The following TRIO variants were observed in gnomAD, a reference collection of about 807,000 sequenced individuals.
TRIO encodes trio Rho guanine nucleotide exchange factor.
TRIO carries 58 observed loss-of-function variants against 351.9 expected under a neutral mutation model. That is an observed-to-expected ratio of 0.16 (90% CI 0.13 to 0.21). The LOEUF (loss-of-function observed/expected upper bound fraction) is 0.21, where lower values mean the gene tolerates loss of function less well. TRIO is among the 10% of genes least tolerant of loss of function. The probability of loss-of-function intolerance (pLI) is 1.00; values close to 1 mark genes in which losing one functional copy is unlikely to be tolerated. For synonymous variants in TRIO, 1,758 were observed against 1,595.7 expected (o/e 1.10, Z -2.42); for missense variants, 3,201 against 4,027.8 (o/e 0.79, Z 5.56).
At chr5:14,294,295 A>G (rs918326384) in intron 6 of TRIO, among the ~76,000 whole-genome samples, 7 of 152,248 alleles carry the variant, frequency 4.6e-5, no homozygotes, top group African/African-American at 1.7e-4. Context: ...CAATTTAGGT[A>G]GTTTCAAAGA....
At position 14,482,563 on chromosome 5, in the gene TRIO, C is replaced by T. The variant is rs2126611357; in HGVS notation, c.6466-19C>T. 7.0e-7 allele frequency: 1 copy of T among 1,424,992 alleles called. No individual in the cohort carries two copies. 88.3% of individuals were successfully genotyped at this position (1,424,992 alleles called of 1,614,324 possible). ...GTTTTCTTCTCCCCTTCCTTTTCCC[C>T]CTTTATTTCTTGTTTTAGGGGAAAA... On this transcript the variant is annotated intron_variant, in intron 45 of 56. Coordinates refer to ENST00000344204, the MANE Select transcript of TRIO (RefSeq NM_007118.4).
At chr5:14,490,596 T>C (rs1258622382) in intron 48 of TRIO, among the ~76,000 whole-genome samples, 1 of 152,262 alleles carries the variant, frequency 6.6e-6, no homozygotes, top group Non-Finnish European at 1.5e-5. Context: ...CCTGCCTTTC[T>C]TGCACAGGCC....
intron 1 of TRIO, among the ~76,000 whole-genome samples, chr5:14,223,303 A>C (rs565395456): frequency 1.3e-5 from 2 of 152,296 alleles, no homozygotes; most frequent in African/African-American, 2.4e-5. Flanking sequence ...ACGTCTTTTG[A>C]GTTCCCCCAG....
chr5:14,186,664 GC>G (rs1241961019), intron 1 of TRIO, among the ~76,000 whole-genome samples: 1 of 151,868 alleles, frequency 6.6e-6, no homozygotes, highest in Admixed American at 6.6e-5. Context: ...TGCAGCCTCT[GC>G]CCCCCTGGTT....
intron 1 of TRIO, among the ~76,000 whole-genome samples, chr5:14,224,809 A>G (rs1055793592): frequency 6.6e-6 from 1 of 152,226 alleles, no homozygotes; most frequent in African/African-American, 2.4e-5. Flanking sequence ...GAAACAGGAC[A>G]TACCACCAAT....
At chr5:14,165,592 CTCTG>C (rs1235428348) in intron 1 of TRIO, among the ~76,000 whole-genome samples, 2 of 152,076 alleles carry the variant, frequency 1.3e-5, no homozygotes, top group African/African-American at 4.8e-5. Context: ...CCTGTTGACC[CTCTG>C]TCTGTCTTTC....
rs768611272 is a variant in TRIO at position 14,420,025 on chromosome 5, G to A, written c.5203+4G>A. 1 of 1,610,110 alleles carries A rather than the reference G, an allele frequency of 6.2e-7. No individual in the cohort carries two copies. Among genetic ancestry groups the A allele is most frequent in the South Asian group, 1.1e-5 (1 of 90,942 alleles). On this transcript the variant is annotated splice_donor_region_variant and intron_variant, in intron 34 of 56. Coordinates refer to ENST00000344204, the MANE Select transcript of TRIO (RefSeq NM_007118.4). ...GAGGGCATCTTCAACCACAAAGGTAGGAATCAGTGGGGCATGGGTGGCAGA... is the reference window on the plus strand; with the variant it reads ...GAGGGCATCTTCAACCACAAAGGTAAGAATCAGTGGGGCATGGGTGGCAGA...
chr5:14,383,447 C>T (rs1746286689), intron 21 of TRIO, among the ~76,000 whole-genome samples: 1 of 152,166 alleles, frequency 6.6e-6, no homozygotes, highest in Non-Finnish European at 1.5e-5. Flanking sequence ...GTGGCCTGCT[C>T]CACTAATAAA....
chr5:14,485,520 A>G lies in TRIO; in HGVS notation c.6835+274A>G, dbSNP rs73749283. On this transcript the variant is annotated intron_variant, in intron 47 of 56. Coordinates refer to ENST00000344204, the MANE Select transcript of TRIO (RefSeq NM_007118.4). The stretch of plus-strand genomic sequence containing the variant: ...AAGTTGTTGAGGGCAGAGTCAGGAC[A>G]CAGAGTGGCCATCTGGCTCTTGGTC... Among the ~76,000 whole-genome samples the G allele has an allele frequency of 0.017, 2,521 of 152,342 alleles. 73 individuals carry two copies. The highest frequency in any genetic ancestry group is 0.053 in the African/African-American group (2,211 of 41,578).
chr5:14,403,811 C>T (rs868819948), intron 31 of TRIO, among the ~76,000 whole-genome samples: 5,198 of 16,530 alleles, frequency 0.31, 1,274 homozygotes, highest in Middle Eastern at 0.61. Flanking sequence ...GGTGAGGGTG[C>T]AGGTTGTGAG....
intron 9 of TRIO, 130 bp from the exon 10 acceptor site, chr5:14,330,648 T>A: frequency 1.7e-6 from 2 of 1,152,868 alleles, no homozygotes; most frequent in Non-Finnish European, 2.3e-6. Flanking sequence ...TTCTTCCCAT[T>A]TTTTTTTCTC....
At chr5:14,279,883 C>G (rs558078904) in intron 2 of TRIO, among the ~76,000 whole-genome samples, 1 of 152,276 alleles carries the variant, frequency 6.6e-6, no homozygotes, top group Non-Finnish European at 1.5e-5. Flanking sequence ...GCTTTCCTTT[C>G]AAGACTTAGA....
chr5:14,371,038 C>G (rs1170618742), intron 18 of TRIO, among the ~76,000 whole-genome samples: 1 of 152,196 alleles, frequency 6.6e-6, no homozygotes, highest in South Asian at 2.1e-4. Flanking sequence ...TGCTATACAA[C>G]CATTGATTTT....
intron 34 of TRIO, among the ~76,000 whole-genome samples, chr5:14,421,154 T>C (rs192254286): frequency 6.6e-6 from 1 of 152,282 alleles, no homozygotes; most frequent in African/African-American, 2.4e-5. Flanking sequence ...GCTGTGAACT[T>C]ATGCCAGCCA....
intron 1 of TRIO, chr5:14,183,875 A>G: frequency 1.5e-6 from 1 of 684,944 alleles, no homozygotes; most frequent in Non-Finnish European, 2.7e-6. Context: ...TTTGGCAGAT[A>G]GTGACTGTTT....
Position 14,246,113 on chromosome 5 carries a change from C to T in TRIO, c.158-24712C>T, listed in dbSNP as rs1255371987. On this transcript the variant is annotated intron_variant, in intron 1 of 56. Coordinates refer to ENST00000344204, the MANE Select transcript of TRIO (RefSeq NM_007118.4). ...CCCCTCTCACCTTAAACCATTTCTT[C>T]TATCTGATAAACAGCTACAGTTTCG... Among the ~76,000 whole-genome samples, 3 of 152,198 alleles carry T rather than the reference C, an allele frequency of 2.0e-5. No homozygotes were observed. In the East Asian group the frequency reaches 5.8e-4, roughly 29 times the overall value.
At position 14,339,030 on chromosome 5, in the gene TRIO, A is replaced by G. The variant is rs1020525427; in HGVS notation, c.2046+2303A>G. Reference sequence around the variant, plus strand: ...GTGGTTTTCAGAAACCAGACACTAAAGGATAACTGGAAGGAAAGTGCTTTT... The same window carrying G: ...GTGGTTTTCAGAAACCAGACACTAAGGGATAACTGGAAGGAAAGTGCTTTT... On this transcript the variant is annotated intron_variant, in intron 11 of 56. Coordinates refer to ENST00000344204, the MANE Select transcript of TRIO (RefSeq NM_007118.4). Among the ~76,000 whole-genome samples, 12 of 152,322 alleles carry G rather than the reference A, an allele frequency of 7.9e-5. No individual in the cohort carries two copies. In the East Asian group the frequency reaches 2.3e-3, roughly 29 times the overall value.
At chr5:14,247,579 A>G (rs1425421494) in intron 1 of TRIO, among the ~76,000 whole-genome samples, 1 of 152,212 alleles carries the variant, frequency 6.6e-6, no homozygotes, top group Admixed American at 6.5e-5. Context: ...GATTCCTTGT[A>G]GGACACATAC....
At chr5:14,318,677 G>A (rs192426853) in intron 9 of TRIO, among the ~76,000 whole-genome samples, 11 of 152,346 alleles carry the variant, frequency 7.2e-5, no homozygotes, top group Admixed American at 5.2e-4. Flanking sequence ...GCTGGAGCCA[G>A]TGGTGAAGAG....
Sources: gnomAD v4.1 joint callset for allele counts (sites outside exome capture counted in the v4.1 genomes callset) on GRCh38, gnomAD v4.1.1 for gene constraint, MANE v1.5 for transcripts, NCBI Gene and HGNC (gene_info 2026-07-23, HGNC 2026-07-21) for gene names.